Variants in CGN observed in about 807,000 individuals in gnomAD.
CGN encodes the protein cingulin.
Under a neutral mutation model 157.1 loss-of-function variants are expected in CGN, and 121 were observed. The observed-to-expected ratio is 0.77, with a 90% confidence interval of 0.66 to 0.90. The LOEUF (loss-of-function observed/expected upper bound fraction) is 0.90, where lower values mean the gene tolerates loss of function less well. Among genes scored for constraint, CGN ranks in the 40% least tolerant of loss-of-function variants. The pLI, the probability that CGN is intolerant of heterozygous loss-of-function variation, is 0.00. For missense variants in CGN, 1,424 were observed against 1,520.9 expected, an observed-to-expected ratio of 0.94 and a Z score of 1.06; for synonymous variants, 535 against 607.5, an observed-to-expected ratio of 0.88 and a Z score of 1.76.
chr1:151,524,677 C>G lies in CGN; in HGVS notation c.1405C>G (p.Leu469Val). The G allele has an allele frequency of 1.2e-6, 2 of 1,605,474 alleles. No individual in the cohort carries two copies. Among genetic ancestry groups the G allele is most frequent in the Non-Finnish European group, 1.7e-6 (2 of 1,177,866 alleles). Residue 469 changes from leucine (L) to valine (V), a missense_variant, in exon 8 of 21, where the codon CTG becomes GTG. Leu to Val is a conservative substitution (Grantham distance 32). Transcript: ENST00000271636. The surrounding 1 kb of genome is among the most constrained non-coding windows in gnomAD (Gnocchi z 4.4). ...CTTCTTCCTTTATTTTCTCCAGGAC[C>G]TGTTAGAGACCCGGGAACTTCTGGA... ...EPAKEVLLKD[L>V]LETRELLEEV...
At chr1:151,520,733 G>A (rs1400654620) in intron 5 of CGN, 42 bp downstream of exon 5, 1 of 1,547,994 alleles carries the variant, frequency 6.5e-7, no homozygotes, top group Non-Finnish European at 8.8e-7. Flanking sequence ...AAGGAAAACA[G>A]GGAAAAAGCC....
chr1:151,533,657 G>A (rs1202159154), intron 14 of CGN, among the ~76,000 whole-genome samples: 1 of 151,820 alleles, frequency 6.6e-6, no homozygotes, highest in Non-Finnish European at 1.5e-5. Context: ...AGCCAAGCGT[G>A]GTGGCACATG....
Position 151,538,494 on chromosome 1 carries a change from G to T in CGN, c.*1148G>T, listed in dbSNP as rs927686360. On this transcript the variant is annotated 3_prime_UTR_variant, in exon 21 of 21. Transcript: ENST00000271636. ...AGCCCTGGTAGGGAAGAGGTAAGGG[G>T]GATGATTCACCTCCATATTTCCTAA... 6.6e-5 allele frequency: 10 copies of T among 152,266 alleles called. No individual in the cohort carries two copies. The highest frequency in any genetic ancestry group is 2.2e-4 in the African/African-American group (9 of 41,536). The allele number at this position is 152,266 out of a possible 1,614,324, so 9.4% of individuals were successfully genotyped here.
chr1:151,529,462 G>A lies in CGN; in HGVS notation c.2009G>A (p.Arg670Lys), dbSNP rs375534875. ...TTGGAGAAGCAGCTGGCGGTCCTGA[G>A]GGTCGAGGCTGATCGAGGTCGGGAG... ...RELEKQLAVL[R>K]VEADRGRELE... Residue 670 changes from arginine (R) to lysine (K), a missense_variant, in exon 11 of 21, where the codon AGG becomes AAG. Arg to Lys is a conservative substitution (Grantham distance 26). Transcript: ENST00000271636. The A allele has an allele frequency of 1.9e-5, 30 of 1,613,764 alleles. No homozygotes were observed. Among genetic ancestry groups the A allele is most frequent in the South Asian group, 1.1e-5 (1 of 91,050 alleles).
Position 151,529,573 on chromosome 1 carries a change from G to A in CGN, c.2106+14G>A, listed in dbSNP as rs1390121257. 4.4e-6 allele frequency: 7 copies of A among 1,608,002 alleles called. No homozygotes were observed. Among genetic ancestry groups the A allele is most frequent in the African/African-American group, 1.3e-5 (1 of 74,812 alleles). On this transcript the variant is annotated intron_variant, in intron 11 of 20. Coordinates refer to ENST00000271636, the MANE Select transcript of CGN (RefSeq NM_020770.3). ...GAGGCTTCCAAGGCAAGGGGAGTGG[G>A]CACAGGGCTTAGGAGGTGGAGGCTG...
chr1:151,537,975 T>G lies in CGN; in HGVS notation c.*629T>G, dbSNP rs1054588392. 7 of 152,706 alleles carry G rather than the reference T, an allele frequency of 4.6e-5. No homozygotes were observed. The highest frequency in any genetic ancestry group is 1.0e-4 in the Non-Finnish European group (7 of 68,064). The allele number at this position is 152,706 out of a possible 1,614,324, so 9.5% of individuals were successfully genotyped here. ...CTTAGCCAAGGCAAGGAGATAAGGA[T>G]GCTCTTCTTGCTTTTTATATCTGCA... On this transcript the variant is annotated 3_prime_UTR_variant, in exon 21 of 21. Coordinates refer to ENST00000271636, the MANE Select transcript of CGN (RefSeq NM_020770.3).
In CGN at chr1:151,520,234, G is replaced by A. The variant is rs753493702; in HGVS notation, c.942G>A (p.Met314Ile). ...CCCCACCAGGCAGTGTGGACCATAT[G>A]AAGGCCACCATCTATGGCATCCTGA... ...EAAPPGSVDHMKATIYGILRE... is the reference protein window; with the variant it reads ...EAAPPGSVDHIKATIYGILRE... Residue 314 changes from methionine to isoleucine, a missense_variant, in exon 3 of 21, where the codon ATG (methionine) becomes ATA (isoleucine). Met to Ile is a conservative substitution (Grantham distance 10, BLOSUM62 1). Around this residue, in one of 3 missense-constraint regions of CGN, gnomAD observed 1,187 missense variants for 1,217.6 expected, o/e 0.97. Coordinates refer to ENST00000271636, the MANE Select transcript of CGN (RefSeq NM_020770.3). The A allele has an allele frequency of 1.9e-6, 3 of 1,613,660 alleles. No individual in the cohort carries two copies. The highest frequency in any genetic ancestry group is 2.5e-6 in the Non-Finnish European group (3 of 1,179,934).
At chr1:151,533,877 G>T in intron 14 of CGN, 98 bp from the exon 15 acceptor site, 1 of 996,012 alleles carries the variant, frequency 1.0e-6, no homozygotes, top group East Asian at 2.7e-5. Flanking sequence ...AAGAGTGACA[G>T]TGATGAAATG....
At chr1:151,526,456 TG>T (rs1664683322) in intron 9 of CGN, among the ~76,000 whole-genome samples, 1 of 151,400 alleles carries the variant, frequency 6.6e-6, no homozygotes, top group Non-Finnish European at 1.5e-5. Context: ...ATTACAGGCG[TG>T]AGCCACTGCA....
Position 151,518,865 on chromosome 1 carries a change from C to T in CGN, c.346C>T (p.Gln116Ter), listed in dbSNP as rs1664472477. The change falls in exon 2 of 21, where the codon CAG (glutamine) becomes TAG (stop). Residue 116 changes from glutamine (Q) to a stop codon, truncating the protein, a stop_gained. Transcript: ENST00000271636. LOFTEE classifies it high-confidence loss of function. ...SQVKGFPAPS[Q>*]SSTSDEEPGA... is the part of the protein sequence containing the mutation. ...GGTCAAGGGATTTCCTGCCCCCTCG[C>T]AGAGCAGCACATCTGATGAGGAGCC... is the stretch of plus-strand genomic sequence containing the variant. 3.1e-6 allele frequency: 5 copies of T among 1,614,038 alleles called. No individual in the cohort carries two copies. The highest frequency in any genetic ancestry group is 4.2e-6 in the Non-Finnish European group (5 of 1,179,944).
intron 20 of CGN, 62 bp from the exon 21 acceptor site, chr1:151,537,143 G>A (rs1447538552): frequency 2.1e-5 from 33 of 1,542,088 alleles, no homozygotes; most frequent in Non-Finnish European, 2.4e-5. Flanking sequence ...TGTACAAAAA[G>A]GGTGGCTGTC....
In CGN at chr1:151,532,512, C is replaced by A. The variant is rs151259278; in HGVS notation, c.2682C>A (p.Ala894=). The A allele has an allele frequency of 1.9e-6, 3 of 1,607,680 alleles. No homozygotes were observed. In the African/African-American group the frequency reaches 4.0e-5, roughly 22 times the overall value. The change falls in exon 14 of 21, where the codon GCC becomes GCA. Residue 894 remains alanine, a synonymous_variant. Coordinates refer to ENST00000271636, the MANE Select transcript of CGN (RefSeq NM_020770.3). Reference sequence around the variant, plus strand: ...AGGTGGCAGATGCCCAGCGCCAGGCCAAGGATTGGGCCAGTGAGGCTGAGA... The same window carrying A: ...AGGTGGCAGATGCCCAGCGCCAGGCAAAGGATTGGGCCAGTGAGGCTGAGA... ...RREVADAQRQ[A]KDWASEAEKT...
intron 1 of CGN, among the ~76,000 whole-genome samples, chr1:151,516,286 G>A (rs886078712): frequency 2.0e-5 from 3 of 152,178 alleles, no homozygotes; most frequent in South Asian, 2.1e-4. Flanking sequence ...TGTCTGGCAC[G>A]TTAGAGGCTC....
In CGN at chr1:151,524,425, A is replaced by T. The variant is rs1200763400; in HGVS notation, c.1401+67A>T. The T allele has an allele frequency of 1.3e-6, 2 of 1,595,252 alleles. No individual in the cohort carries two copies. Among genetic ancestry groups the T allele is most frequent in the Non-Finnish European group, 1.7e-6 (2 of 1,171,334 alleles). ...AGTTGGAGCATCCTCAAGTCTGCTCATCCATGGTTTCCCCAAAGTATGAGG... is the reference window on the plus strand; with the variant it reads ...AGTTGGAGCATCCTCAAGTCTGCTCTTCCATGGTTTCCCCAAAGTATGAGG... On this transcript the variant is annotated intron_variant, in intron 7 of 20. Transcript: ENST00000271636. This position sits in a 1 kb window ranked among gnomAD's most constrained non-coding sequence, Gnocchi z 4.4.
At chr1:151,532,612 CTTT>C (rs34388063) in intron 14 of CGN, 40 bp downstream of exon 14, 15,725 of 531,410 alleles carry the variant, frequency 0.03, no homozygotes, top group East Asian at 0.055. Context: ...GTCCTTGCCT[CTTT>C]TTTTTTTTTT....
In CGN at chr1:151,530,660, C is replaced by A; in HGVS notation, c.2485C>A (p.Gln829Lys). ...CCGGGCCCTGGAGGAGGAAGGGAAGCAGCGGGAGGTGCTCCGGCGAGGCAA... is the reference window on the plus strand; with the variant it reads ...CCGGGCCCTGGAGGAGGAAGGGAAGAAGCGGGAGGTGCTCCGGCGAGGCAA... ...LNRALEEEGK[Q>K]REVLRRGKAE... is the part of the protein sequence containing the mutation. Residue 829 changes from glutamine to lysine, a missense_variant, in exon 13 of 21, where the codon CAG becomes AAG. Transcript: ENST00000271636. 1 of 1,579,792 alleles carries A rather than the reference C, an allele frequency of 6.3e-7. No homozygotes were observed. Among genetic ancestry groups the A allele is most frequent in the Non-Finnish European group, 8.6e-7 (1 of 1,162,306 alleles).
rs1369544690 is a variant in CGN, at chr1:151,530,566, A to G, written c.2391A>G (p.Ala797=). 6.2e-7 allele frequency: 1 copy of G among 1,609,912 alleles called. No homozygotes were observed. The highest frequency in any genetic ancestry group is 1.7e-5 in the Admixed American group (1 of 59,478). ...EEGSLAAAKR[A]LEARLEEAQR... ...GGAGTCTGGCAGCAGCCAAGCGGGC[A>G]CTGGAGGCACGCCTAGAGGAGGCTC... is the stretch of plus-strand genomic sequence containing the variant. The change falls in exon 13 of 21, where the codon GCA becomes GCG. Residue 797 remains alanine, a synonymous_variant. Coordinates refer to ENST00000271636, the MANE Select transcript of CGN (RefSeq NM_020770.3).
Position 151,524,429 on chromosome 1 carries a change from A to G in CGN, c.1401+71A>G. ...GGAGCATCCTCAAGTCTGCTCATCC[A>G]TGGTTTCCCCAAAGTATGAGGAGTG... On this transcript the variant is annotated intron_variant, in intron 7 of 20. Transcript: ENST00000271636. The surrounding 1 kb of genome is among the most constrained non-coding windows in gnomAD (Gnocchi z 4.4). 4.4e-6 allele frequency: 7 copies of G among 1,594,074 alleles called. No individual in the cohort carries two copies. The Admixed American group carries it at 8.8e-5, about 20-fold the overall frequency.
At chr1:151,521,582 C>T (rs1664542946) in intron 5 of CGN, among the ~76,000 whole-genome samples, 2 of 152,212 alleles carry the variant, frequency 1.3e-5, no homozygotes, top group South Asian at 4.1e-4. Flanking sequence ...CAGTGGCTCA[C>T]ACCTGTAATC....
Sources: gnomAD v4.1 joint callset for allele counts (sites outside exome capture counted in the v4.1 genomes callset) on GRCh38, gnomAD v4.1.1 for gene constraint, gnomAD v4.1.1 regional missense constraint, Gnocchi (gnomAD v3.1) non-coding constraint, MANE v1.5 for transcripts, NCBI Gene and HGNC (gene_info 2026-07-23, HGNC 2026-07-21) for gene names.